SAMD9L: variants seen among roughly 807,000 people sequenced by gnomAD.
SAMD9L encodes the protein sterile alpha motif domain containing 9 like.
Under a neutral mutation model 90.7 loss-of-function variants are expected in SAMD9L, and 68 were observed. The observed-to-expected ratio is 0.75, with a 90% confidence interval of 0.62 to 0.92. The LOEUF (loss-of-function observed/expected upper bound fraction) is 0.92. SAMD9L is among the 40% of genes least tolerant of loss of function. The pLI is 0.00. For synonymous variants in SAMD9L, 640 were observed against 630.1 expected (o/e 1.02, Z -0.23); for missense variants, 1,604 against 1,824.3 (o/e 0.88, Z 2.20).
In SAMD9L at chr7:93,135,908, A is replaced by AT. The variant is rs1792431144; in HGVS notation, c.63dup (p.Trp22MetfsTer4). 1.2e-6 allele frequency: 2 copies of AT among 1,612,038 alleles called. No individual in the cohort carries two copies. Among genetic ancestry groups the AT allele is most frequent in the African/African-American group, 1.3e-5 (1 of 74,880 alleles). ...TTAATCTTAAGGTCTTCATTTACCC[A>AT]TTTTTTCACATGCTCTTTGGTCCAG... On this transcript the variant is annotated frameshift_variant, in exon 5 of 5. Coordinates refer to ENST00000318238, the MANE Select transcript of SAMD9L (RefSeq NM_152703.5). LOFTEE classifies it low-confidence loss of function (END_TRUNC).
intron 4 of SAMD9L, among the ~76,000 whole-genome samples, chr7:93,143,503 C>T (rs777868900): frequency 6.6e-6 from 1 of 152,212 alleles, no homozygotes; most frequent in Non-Finnish European, 1.5e-5. Context: ...ACAACACCTC[C>T]TCACCACGGT....
chr7:93,132,678 G>A lies in SAMD9L; in HGVS notation c.3294C>T (p.Asp1098=), dbSNP rs752433478. Residue 1098 remains aspartate, a synonymous_variant, in exon 5 of 5, where the codon GAC becomes GAT. Transcript: ENST00000318238. ...LARHFYIKEK[D]FNTALDWARQ... ...GTGCCCAGTCCAGAGCTGTGTTAAA[G>A]TCCTTCTCTTTAATGTAGAAATGTC... The A allele has an allele frequency of 8.7e-6, 14 of 1,613,860 alleles. No homozygotes were observed. In the East Asian group the frequency reaches 2.7e-4, roughly 31 times the overall value.
Position 93,132,392 on chromosome 7 carries a change from T to C in SAMD9L, c.3580A>G (p.Thr1194Ala). ...TCTATTTCACCCAAGAAACAAGCTGTGTTATACATGTCATATCGTCTCTGG... is the reference window on the plus strand; with the variant it reads ...TCTATTTCACCCAAGAAACAAGCTGCGTTATACATGTCATATCGTCTCTGG... ...KSQRRYDMYN[T>A]ACFLGEIEVG... The change falls in exon 5 of 5, where the codon ACA becomes GCA. Residue 1194 changes from threonine (T) to alanine (A), a missense_variant. Transcript: ENST00000318238. 1 of 1,613,938 alleles carries C rather than the reference T, an allele frequency of 6.2e-7. No individual in the cohort carries two copies. Among genetic ancestry groups the C allele is most frequent in the African/African-American group, 1.3e-5 (1 of 75,038 alleles).
In SAMD9L at chr7:93,133,994, A is replaced by G. The variant is rs1333500127; in HGVS notation, c.1978T>C (p.Cys660Arg). ...TCTGTCTCTGTACACTCATTTTCACAGAGGATTTCCAGTGCAGTCAAGACA... is the reference window on the plus strand; with the variant it reads ...TCTGTCTCTGTACACTCATTTTCACGGAGGATTTCCAGTGCAGTCAAGACA... ...EDVLTALEIL[C>R]ENECTETDIE... The change falls in exon 5 of 5, where the codon TGT becomes CGT. Residue 660 changes from cysteine (C) to arginine (R), a missense_variant. By Grantham distance (180) the Cys-to-Arg change is radical. This residue lies in a region of SAMD9L where 606 missense variants were observed against 717.6 expected (regional missense o/e 0.84). Coordinates refer to ENST00000318238, the MANE Select transcript of SAMD9L (RefSeq NM_152703.5). 2 of 1,613,620 alleles carry G rather than the reference A, an allele frequency of 1.2e-6. No homozygotes were observed. The highest frequency in any genetic ancestry group is 2.7e-5 in the African/African-American group (2 of 74,886).
At chr7:93,144,544 G>C (rs922296765) in intron 4 of SAMD9L, among the ~76,000 whole-genome samples, 188 bp downstream of exon 4, 1 of 152,224 alleles carries the variant, frequency 6.6e-6, no homozygotes, top group African/African-American at 2.4e-5. Flanking sequence ...AGCATGTACA[G>C]GTTTTGGTAT....
Position 93,133,916 on chromosome 7 carries a change from G to A in SAMD9L, c.2056C>T (p.His686Tyr), listed in dbSNP as rs1562792276. The A allele has an allele frequency of 1.9e-6, 3 of 1,613,790 alleles. No homozygotes were observed. The highest frequency in any genetic ancestry group is 1.7e-6 in the Non-Finnish European group (2 of 1,179,840). Residue 686 changes from histidine (H) to tyrosine (Y), a missense_variant, in exon 5 of 5, where the codon CAC becomes TAC. Coordinates refer to ENST00000318238, the MANE Select transcript of SAMD9L (RefSeq NM_152703.5). ...GATACTTTGCCACCTCGATAAAAGT[G>A]TTCTTCTTTTGATTTCTTAAACTCC... ...FLEFKKSKEE[H>Y]FYRGGKVSWW...
rs1222411004 is a variant in SAMD9L at position 93,131,524 on chromosome 7, C to G, written c.4448G>C (p.Gly1483Ala). Reference sequence around the variant, plus strand: ...GGCCTTGTGAACAATACTGTTTAGACCCTTCCTTTTGCCCAGATAGAAAAG... The same window carrying G: ...GGCCTTGTGAACAATACTGTTTAGAGCCTTCCTTTTGCCCAGATAGAAAAG... ...STLFYLGKRK[G>A]LNSIVHKAKI... The change falls in exon 5 of 5, where the codon GGT becomes GCT. Residue 1483 changes from glycine to alanine, a missense_variant. Transcript: ENST00000318238. The G allele has an allele frequency of 1.2e-6, 2 of 1,613,976 alleles. No individual in the cohort carries two copies. Among genetic ancestry groups the G allele is most frequent in the South Asian group, 2.2e-5 (2 of 91,080 alleles).
Position 93,138,517 on chromosome 7 carries a change from T to G in SAMD9L, c.-20-2526A>C, listed in dbSNP as rs570920810. 2.6e-5 allele frequency among the ~76,000 whole-genome samples: 4 copies of G among 152,206 alleles called. No homozygotes were observed. The South Asian group carries it at 6.2e-4, about 24-fold the overall frequency. ...TCAGACACAAGAAGGAGTCTAGGCC[T>G]AGGATATATGAGGAAGAAGAGAGTG... is the stretch of plus-strand genomic sequence containing the variant. On this transcript the variant is annotated intron_variant, in intron 4 of 4. Transcript: ENST00000318238.
At chr7:93,147,377 G>C (rs1373364084) in intron 1 of SAMD9L, among the ~76,000 whole-genome samples, 1 of 152,184 alleles carries the variant, frequency 6.6e-6, no homozygotes, top group Non-Finnish European at 1.5e-5. Context: ...GTTGGTTATT[G>C]ACAAAGGAGT....
At chr7:93,138,530 G>A (rs1013425573) in intron 4 of SAMD9L, among the ~76,000 whole-genome samples, 7 of 152,160 alleles carry the variant, frequency 4.6e-5, no homozygotes, top group South Asian at 4.1e-4. Context: ...GATATATGAG[G>A]AAGAAGAGAG....
chr7:93,137,086 C>CA (rs888327613), intron 4 of SAMD9L, among the ~76,000 whole-genome samples: 10 of 151,386 alleles, frequency 6.6e-5, no homozygotes, highest in East Asian at 1.9e-4. Flanking sequence ...TACGGACAGA[C>CA]AAAAAAAACA....
rs374490938 is a variant in SAMD9L, at chr7:93,135,345, C to T, written c.627G>A (p.Thr209=). ...FKALTNTETA[T]EVDIKMKFSN... ...TGAATTTCATCTTAATGTCCACTTC[C>T]GTGGCTGTTTCTGTGTTTGTGAGAG... Residue 209 remains threonine, a synonymous_variant, in exon 5 of 5, where the codon ACG becomes ACA. Transcript: ENST00000318238. 164 of 1,613,930 alleles carry T rather than the reference C, an allele frequency of 1.0e-4. No homozygotes were observed. The highest frequency in any genetic ancestry group is 1.3e-4 in the Non-Finnish European group (152 of 1,179,972).
At position 93,131,385 on chromosome 7, in the gene SAMD9L, A is replaced by G. The variant is rs1477844644; in HGVS notation, c.4587T>C (p.Ala1529=). 6.2e-7 allele frequency: 1 copy of G among 1,613,732 alleles called. No homozygotes were observed. Among genetic ancestry groups the G allele is most frequent in the East Asian group, 2.2e-5 (1 of 44,876 alleles). ...ATTCTACAGAGATTAGCTTGCCTTC[A>G]GCCTGACCAGTTAGACGACGCAGGA... ...KDLLRRLTGQ[A]EGKLISVEYG... The change falls in exon 5 of 5, where the codon GCT becomes GCC. Residue 1529 remains alanine (A), a synonymous_variant. Coordinates refer to ENST00000318238, the MANE Select transcript of SAMD9L (RefSeq NM_152703.5).
chr7:93,146,309 T>C (rs562349271), intron 2 of SAMD9L, among the ~76,000 whole-genome samples: 1 of 152,318 alleles, frequency 6.6e-6, no homozygotes, highest in South Asian at 2.1e-4. Flanking sequence ...TGAGATCTTT[T>C]GTCAAATGTC....
At chr7:93,137,768 C>T (rs1375695315) in intron 4 of SAMD9L, among the ~76,000 whole-genome samples, 1 of 131,178 alleles carries the variant, frequency 7.6e-6, no homozygotes, top group Non-Finnish European at 1.6e-5. Context: ...ATTTAATGTA[C>T]ATCCAGTCAC....
chr7:93,133,486 T>C lies in SAMD9L; in HGVS notation c.2486A>G (p.Tyr829Cys). The change falls in exon 5 of 5, where the codon TAT (tyrosine) becomes TGT (cysteine). Residue 829 changes from tyrosine to cysteine, a missense_variant. This residue lies in a region of SAMD9L where 606 missense variants were observed against 717.6 expected (regional missense o/e 0.84). Transcript: ENST00000318238. ...HSVLAEKDLR[Y>C]EKTLVIILNC... ...TAAGATAATTACCAATGTTTTTTCA[T>C]ATCGCAAATCCTTTTCTGCTAAAAC... The C allele has an allele frequency of 6.2e-7, 1 of 1,612,262 alleles. No homozygotes were observed.
At position 93,133,722 on chromosome 7, in the gene SAMD9L, C is replaced by G. The variant is rs866486370; in HGVS notation, c.2250G>C (p.Leu750=). ...TTAAGTCCCAGAGAACATGCATAGC[C>G]AGTGTGGTACCTCCACAGCCTGGAT... ...YHHPGCGGTT[L]AMHVLWDLKK... Residue 750 remains leucine (L), a synonymous_variant, in exon 5 of 5, where the codon CTG becomes CTC. Coordinates refer to ENST00000318238, the MANE Select transcript of SAMD9L (RefSeq NM_152703.5). The G allele has an allele frequency of 8.7e-6, 14 of 1,613,598 alleles. No individual in the cohort carries two copies. The Middle Eastern group carries it at 2.0e-3, about 228-fold the overall frequency.
In SAMD9L at chr7:93,135,205, C is replaced by T; in HGVS notation, c.767G>A (p.Ser256Asn). 1 of 1,614,068 alleles carries T rather than the reference C, an allele frequency of 6.2e-7. No individual in the cohort carries two copies. The highest frequency in any genetic ancestry group is 2.2e-5 in the East Asian group (1 of 44,886). The change falls in exon 5 of 5, where the codon AGT becomes AAT. Residue 256 changes from serine to asparagine, a missense_variant. Ser to Asn is a conservative substitution (Grantham distance 46). Transcript: ENST00000318238. Reference protein sequence around the residue: ...HGEIVGVKITSKAAFIDHFNV... With the variant: ...HGEIVGVKITNKAAFIDHFNV... ...GAAGTGGTCAATGAAGGCAGCCTTA[C>T]TGGTGATTTTCACACCAACAATTTC... is the stretch of plus-strand genomic sequence containing the variant.
chr7:93,134,434 T>G lies in SAMD9L; in HGVS notation c.1538A>C (p.Glu513Ala), dbSNP rs919770519. The G allele has an allele frequency of 6.2e-7, 1 of 1,613,964 alleles. No homozygotes were observed. The highest frequency in any genetic ancestry group is 2.2e-5 in the East Asian group (1 of 44,874). The part of the protein sequence containing the change: ...DLKSETYKPL[E>A]PHLWQRERAS... ...TCTTTCTCTCTGCCATAAATGTGGTTCTAGAGGTTTATATGTCTCGCTTTT... is the reference window on the plus strand; with the variant it reads ...TCTTTCTCTCTGCCATAAATGTGGTGCTAGAGGTTTATATGTCTCGCTTTT... The change falls in exon 5 of 5, where the codon GAA becomes GCA. Residue 513 changes from glutamate to alanine, a missense_variant. Physicochemically the swap from Glu to Ala is moderately radical, Grantham distance 107. Coordinates refer to ENST00000318238, the MANE Select transcript of SAMD9L (RefSeq NM_152703.5).
Sources: allele counts gnomAD v4.1 joint callset (sites outside exome capture counted in the v4.1 genomes callset), GRCh38; gene constraint gnomAD v4.1.1; regional missense constraint gnomAD v4.1.1; transcripts MANE v1.5; gene names NCBI Gene and HGNC (gene_info 2026-07-23, HGNC 2026-07-21).